CACNA2D1: variants seen among roughly 807,000 people sequenced by gnomAD.
CACNA2D1 encodes the protein voltage-dependent calcium channel subunit alpha-2/delta-1.
In CACNA2D1, 53 loss-of-function variants were observed where a neutral mutation model predicts 171.5. The observed-to-expected ratio is 0.31, with a 90% CI of 0.25 to 0.39. CACNA2D1 has a LOEUF of 0.39. Ranked by LOEUF, CACNA2D1 falls within the 10% of genes least tolerant of loss-of-function variation. The pLI is 1.00. For synonymous variants in CACNA2D1, 442 were observed against 443.1 expected (o/e 1.00, Z 0.03); for missense variants, 903 against 1,299.8 (o/e 0.69, Z 4.69).
At chr7:82,335,954 A>G (rs1430758299) in intron 2 of CACNA2D1, among the ~76,000 whole-genome samples, 1 of 152,176 alleles carries the variant, frequency 6.6e-6, no homozygotes, top group African/African-American at 2.4e-5. Context: ...CCAGAGTGGC[A>G]TAAGTTGCAC....
intron 3 of CACNA2D1, among the ~76,000 whole-genome samples, chr7:82,193,652 G>A (rs371269660): frequency 4.4e-4 from 67 of 151,994 alleles, no homozygotes; most frequent in South Asian, 3.9e-3. Context: ...AGATTTTTCC[G>A]AATCACTTTT....
Position 81,946,501 on chromosome 7 carries a change from C to T in CACNA2D1, c.*3891G>A, listed in dbSNP as rs917515273. ...TACTGTTTTTGCACAAGATTTAACA[C>T]AACATTTTCTGGGATTATAAATATT... On this transcript the variant is annotated 3_prime_UTR_variant, in exon 39 of 39. Coordinates refer to ENST00000356860, the MANE Select transcript of CACNA2D1 (RefSeq NM_000722.4). 2.0e-5 allele frequency: 3 copies of T among 151,962 alleles called. No homozygotes were observed. The highest frequency in any genetic ancestry group is 2.9e-5 in the Non-Finnish European group (2 of 67,994). 9.4% of individuals were successfully genotyped at this position (151,962 alleles called of 1,614,324 possible). A position where few individuals can be genotyped will look rare whatever the true frequency, so the allele number is the denominator to read the frequency against.
At chr7:81,993,333 C>T (rs1797737130) in intron 20 of CACNA2D1, among the ~76,000 whole-genome samples, 1 of 152,076 alleles carries the variant, frequency 6.6e-6, no homozygotes, top group Non-Finnish European at 1.5e-5. Flanking sequence ...TGAAATGTGC[C>T]AAACTGGAGA....
chr7:82,402,630 G>A (rs1444006831), intron 1 of CACNA2D1, among the ~76,000 whole-genome samples: 1 of 140,814 alleles, frequency 7.1e-6, no homozygotes, highest in African/African-American at 2.7e-5. Flanking sequence ...AGAATCGCTT[G>A]AACCCAGGAG....
At chr7:82,172,055 G>A (rs1392775011) in intron 3 of CACNA2D1, among the ~76,000 whole-genome samples, 1 of 151,782 alleles carries the variant, frequency 6.6e-6, no homozygotes, top group Non-Finnish European at 1.5e-5. Context: ...TTGCCTAGTG[G>A]GAGATCTCAA....
chr7:81,955,586 T>C (rs10258811), intron 38 of CACNA2D1, among the ~76,000 whole-genome samples: 61,434 of 151,724 alleles, frequency 0.4, 12,588 homozygotes, highest in East Asian at 0.51. Context: ...GATACAATAA[T>C]ATAAAGGAAT....
chr7:82,110,493 T>C (rs1788249563), intron 6 of CACNA2D1, among the ~76,000 whole-genome samples: 1 of 152,182 alleles, frequency 6.6e-6, no homozygotes, highest in Non-Finnish European at 1.5e-5. Context: ...TACACGTCTG[T>C]TATTTTAGCC....
chr7:82,124,706 C>T (rs1790134500), intron 5 of CACNA2D1, among the ~76,000 whole-genome samples: 1 of 152,152 alleles, frequency 6.6e-6, no homozygotes, highest in Admixed American at 6.6e-5. Flanking sequence ...ACTTTTGTTT[C>T]AATAAATCTG....
intron 10 of CACNA2D1, among the ~76,000 whole-genome samples, chr7:82,056,422 A>G (rs1444266420): frequency 1.3e-5 from 2 of 152,170 alleles, no homozygotes; most frequent in East Asian, 1.9e-4. Context: ...GCTAGAGAAC[A>G]TTCGTCACAG....
intron 12 of CACNA2D1, among the ~76,000 whole-genome samples, chr7:82,024,908 C>G (rs981808563): frequency 6.6e-6 from 1 of 151,480 alleles, no homozygotes; most frequent in Admixed American, 6.6e-5. Flanking sequence ...ATGGGGAAAC[C>G]ATTATGTATT....
intron 5 of CACNA2D1, among the ~76,000 whole-genome samples, chr7:82,133,873 C>T (rs991762809): frequency 6.6e-6 from 1 of 152,054 alleles, no homozygotes; most frequent in Non-Finnish European, 1.5e-5. Flanking sequence ...GAGATCGAGA[C>T]CATCCTGGCT....
chr7:82,328,094 C>T (rs1273073486), intron 3 of CACNA2D1, among the ~76,000 whole-genome samples: 6 of 152,066 alleles, frequency 3.9e-5, no homozygotes, highest in Admixed American at 2.0e-4. Context: ...GTAAACATGT[C>T]GAGCCTTAGC....
chr7:82,084,765 C>T lies in CACNA2D1; in HGVS notation c.658+4G>A, dbSNP rs1286768998. 1 of 1,613,858 alleles carries T rather than the reference C, an allele frequency of 6.2e-7. No individual in the cohort carries two copies. Among genetic ancestry groups the T allele is most frequent in the Admixed American group, 1.7e-5 (1 of 60,002 alleles). ...TGACAATGATTGAATCACTAAGCAC[C>T]TACCTGGATAATATCGAGCTAGGCC... On this transcript the variant is annotated splice_donor_region_variant and intron_variant, in intron 7 of 38. Transcript: ENST00000356860.
chr7:82,282,639 T>C (rs563943590), intron 3 of CACNA2D1, among the ~76,000 whole-genome samples: 23 of 148,930 alleles, frequency 1.5e-4, no homozygotes, highest in South Asian at 4.3e-4. Context: ...TGCCAACAAA[T>C]AAAATGATGT....
intron 1 of CACNA2D1, among the ~76,000 whole-genome samples, chr7:82,389,102 C>T (rs898349128): frequency 1.4e-5 from 2 of 147,146 alleles, no homozygotes; most frequent in African/African-American, 5.0e-5. Context: ...GGCAACAGAG[C>T]GAGACTCCAT....
intron 1 of CACNA2D1, among the ~76,000 whole-genome samples, chr7:82,422,110 ATAAAG>A (rs1828769625): frequency 2.0e-5 from 3 of 152,190 alleles, no homozygotes; most frequent in Non-Finnish European, 4.4e-5. Context: ...CAAATGGCAA[ATAAAG>A]TAATTAAAAT....
intron 3 of CACNA2D1, among the ~76,000 whole-genome samples, chr7:82,293,114 C>A (rs370863595): frequency 2.2e-4 from 34 of 152,068 alleles, no homozygotes; most frequent in African/African-American, 7.2e-4. Flanking sequence ...TTCTTCACTT[C>A]TACTTAATGT....
intron 1 of CACNA2D1, among the ~76,000 whole-genome samples, chr7:82,397,198 G>T (rs1183755562): frequency 6.6e-6 from 1 of 152,000 alleles, no homozygotes; most frequent in Non-Finnish European, 1.5e-5. Flanking sequence ...TCAGTACTTG[G>T]TCTTTCTCCA....
intron 1 of CACNA2D1, among the ~76,000 whole-genome samples, chr7:82,394,642 G>C (rs143477288): frequency 4.2e-4 from 64 of 152,226 alleles, no homozygotes; most frequent in African/African-American, 1.4e-3. Context: ...GTTTTTAGGG[G>C]CTTTTTTGGT....
Sources: allele counts gnomAD v4.1 joint callset (sites outside exome capture counted in the v4.1 genomes callset), GRCh38; gene constraint gnomAD v4.1.1; transcripts MANE v1.5; gene names NCBI Gene and HGNC (gene_info 2026-07-23, HGNC 2026-07-21).